Variants in FYN observed in about 807,000 individuals in gnomAD.
FYN encodes the protein FYN proto-oncogene, Src family tyrosine kinase.
FYN carries 10 observed loss-of-function variants against 70.2 expected under a neutral mutation model. The observed-to-expected ratio is 0.14, with a 90% CI of 0.09 to 0.24. FYN has a LOEUF of 0.24. Ranked by LOEUF, FYN falls within the 10% of genes least tolerant of loss-of-function variation. The probability of loss-of-function intolerance (pLI) is 1.00; values close to 1 mark genes in which losing one functional copy is unlikely to be tolerated. For synonymous variants in FYN, 236 were observed against 248.6 expected (o/e 0.95, Z 0.48); for missense variants, 319 against 673.1 (o/e 0.47, Z 5.82).
At chr6:111,760,047 T>C (rs1308240038) in intron 3 of FYN, 1 of 151,994 alleles carries the variant, frequency 6.6e-6, no homozygotes, top group Non-Finnish European at 1.5e-5. Context: ...TGTGAAAACA[T>C]TCTTTACGTT....
intron 2 of FYN, among the ~76,000 whole-genome samples, chr6:111,816,526 C>A (rs1241177382): frequency 6.6e-6 from 1 of 152,156 alleles, no homozygotes; most frequent in African/African-American, 2.4e-5. Context: ...GAAAAGTGTA[C>A]TCCATAGATC....
intron 3 of FYN, among the ~76,000 whole-genome samples, chr6:111,742,010 T>C (rs1180816852): frequency 6.6e-6 from 1 of 152,146 alleles, no homozygotes; most frequent in Non-Finnish European, 1.5e-5. Context: ...GTGATTAAAA[T>C]AATCCCCCAT....
At chr6:111,757,807 C>A (rs1802806646) in intron 3 of FYN, among the ~76,000 whole-genome samples, 1 of 152,192 alleles carries the variant, frequency 6.6e-6, no homozygotes, top group Admixed American at 6.5e-5. Flanking sequence ...ACTTCTTGAT[C>A]CAATTGCGTT....
intron 3 of FYN, among the ~76,000 whole-genome samples, chr6:111,731,967 A>G (rs2128471658): frequency 6.6e-6 from 1 of 152,352 alleles, no homozygotes; most frequent in African/African-American, 2.4e-5. Flanking sequence ...AAGGAGGAAC[A>G]TCAGTAAGAG....
chr6:111,715,503 C>T (rs554038326), intron 4 of FYN, among the ~76,000 whole-genome samples: 18 of 152,168 alleles, frequency 1.2e-4, no homozygotes, highest in Non-Finnish European at 2.6e-4. Flanking sequence ...ACAGAATGTG[C>T]AGTCCCTTAA....
intron 12 of FYN, among the ~76,000 whole-genome samples, chr6:111,687,717 T>TACTGCCAACTACC (rs1356847477): frequency 2.0e-5 from 3 of 152,156 alleles, no homozygotes; most frequent in African/African-American, 7.2e-5. Flanking sequence ...CTATTACTAC[T>TACTGCCAACTACC]ACTGCCAACT....
At chr6:111,766,500 T>C (rs773666245) in intron 3 of FYN, among the ~76,000 whole-genome samples, 54 of 152,218 alleles carry the variant, frequency 3.5e-4, no homozygotes, top group Non-Finnish European at 6.9e-4. Context: ...GTAAACCAGC[T>C]CTTGCTGTCT....
intron 2 of FYN, among the ~76,000 whole-genome samples, chr6:111,826,034 A>G (rs1414482023): frequency 6.6e-6 from 1 of 152,168 alleles, no homozygotes; most frequent in Non-Finnish European, 1.5e-5. Flanking sequence ...TGGGAGTAGA[A>G]GCAGTAGACA....
At chr6:111,872,135 G>A (rs762691481) in intron 1 of FYN, among the ~76,000 whole-genome samples, 2 of 152,112 alleles carry the variant, frequency 1.3e-5, no homozygotes, top group Non-Finnish European at 2.9e-5. Context: ...CAAGAAGGGT[G>A]ATTTTATTAT....
At chr6:111,815,824 C>G (rs1191771832) in intron 2 of FYN, among the ~76,000 whole-genome samples, 1 of 151,764 alleles carries the variant, frequency 6.6e-6, no homozygotes, top group Non-Finnish European at 1.5e-5. Context: ...TCAAACAATC[C>G]TCCCACCTCA....
intron 1 of FYN, among the ~76,000 whole-genome samples, chr6:111,856,964 A>G (rs912775973): frequency 6.6e-6 from 1 of 152,238 alleles, no homozygotes; most frequent in East Asian, 1.9e-4. Flanking sequence ...TTTAAAATAC[A>G]TCATCTTAAA....
chr6:111,733,607 T>G (rs9387031), intron 3 of FYN, among the ~76,000 whole-genome samples: 5,296 of 152,286 alleles, frequency 0.035, 143 homozygotes, highest in East Asian at 0.13. Context: ...CCCAGTTTCC[T>G]CATCAGTGCA....
chr6:111,779,003 C>T (rs914965910), intron 3 of FYN, among the ~76,000 whole-genome samples: 3 of 151,972 alleles, frequency 2.0e-5, no homozygotes, highest in Non-Finnish European at 4.4e-5. Flanking sequence ...CCCCTCCTCA[C>T]AAGGGTTTCC....
chr6:111,719,466 T>C (rs1453341108), intron 4 of FYN, among the ~76,000 whole-genome samples: 1 of 152,176 alleles, frequency 6.6e-6, no homozygotes, highest in African/African-American at 2.4e-5. Context: ...GGCATCCGTG[T>C]TTTGAAAAGG....
In FYN at chr6:111,693,521, C is replaced by A. The variant is rs568358178; in HGVS notation, c.1273+854G>T. ...AAGAAGGAAAATATTCCTAAAAACTCCTTTCTAGTATCTGGTGCTCTAATA... is the reference window on the plus strand; with the variant it reads ...AAGAAGGAAAATATTCCTAAAAACTACTTTCTAGTATCTGGTGCTCTAATA... On this transcript the variant is annotated intron_variant, in intron 12 of 13. Transcript: ENST00000354650. Among the ~76,000 whole-genome samples, 11 of 152,254 alleles carry A rather than the reference C, an allele frequency of 7.2e-5. No individual in the cohort carries two copies. The South Asian group carries it at 2.1e-3, about 29-fold the overall frequency.
chr6:111,872,056 G>C (rs1449217164), intron 1 of FYN, among the ~76,000 whole-genome samples: 27 of 152,294 alleles, frequency 1.8e-4, no homozygotes, highest in Non-Finnish European at 8.8e-5. Flanking sequence ...TGCACTGAAA[G>C]GGCTCTTTGT....
chr6:111,755,301 A>T (rs1802677401), intron 3 of FYN, among the ~76,000 whole-genome samples: 3 of 151,824 alleles, frequency 2.0e-5, no homozygotes, highest in Non-Finnish European at 2.9e-5. Flanking sequence ...AAGCCAAAAT[A>T]AAAAAAACCA....
chr6:111,686,963 C>T (rs966234907), intron 12 of FYN, among the ~76,000 whole-genome samples: 1 of 152,148 alleles, frequency 6.6e-6, no homozygotes, highest in African/African-American at 2.4e-5. Context: ...ATTCAAAATT[C>T]GAAAGAAACA....
At chr6:111,829,263 C>T (rs1379139035) in intron 2 of FYN, among the ~76,000 whole-genome samples, 1 of 152,222 alleles carries the variant, frequency 6.6e-6, no homozygotes, top group Non-Finnish European at 1.5e-5. Context: ...CTGTGTCACT[C>T]ATCAGCAGGG....
Sources: allele counts gnomAD v4.1 joint callset (sites outside exome capture counted in the v4.1 genomes callset), GRCh38; gene constraint gnomAD v4.1.1; transcripts MANE v1.5; gene names NCBI Gene and HGNC (gene_info 2026-07-23, HGNC 2026-07-21).